Variants in MAVS observed in about 807,000 individuals in gnomAD.
The protein encoded by MAVS is mitochondrial antiviral signaling protein.
A neutral mutation model predicts 30.2 loss-of-function variants in MAVS; 20 were observed. The observed-to-expected ratio is 0.66, with a 90% confidence interval of 0.47 to 0.96. MAVS has a LOEUF of 0.96. Ranked by LOEUF, MAVS falls within the 40% of genes least tolerant of loss-of-function variation. The pLI, the probability that MAVS is intolerant of heterozygous loss-of-function variation, is 0.00. For synonymous variants in MAVS, 278 were observed against 293.9 expected (o/e 0.95, Z 0.55); for missense variants, 624 against 701.1 (o/e 0.89, Z 1.24).
rs1019183793 is a variant in MAVS at position 3,861,636 on chromosome 20, C to G, written c.465+132C>G. On this transcript the variant is annotated intron_variant, in intron 4 of 6. Coordinates refer to ENST00000428216, the MANE Select transcript of MAVS (RefSeq NM_020746.5). Reference sequence around the variant, plus strand: ...CTAATCTCTGCTCAGAACCCTAGGGCTTCCTCAGTGGGGATCTGCCCCAGA... The same window carrying G: ...CTAATCTCTGCTCAGAACCCTAGGGGTTCCTCAGTGGGGATCTGCCCCAGA... The G allele has an allele frequency of 5.9e-6, 6 of 1,009,262 alleles. No homozygotes were observed. In the East Asian group the frequency reaches 1.3e-4, roughly 22 times the overall value. The allele number at this position is 1,009,262 out of a possible 1,614,324, so 62.5% of individuals were successfully genotyped here.
chr20:3,862,066 TGA>T (rs1039368176), intron 4 of MAVS, among the ~76,000 whole-genome samples, 186 bp from the exon 5 acceptor site: 1 of 152,104 alleles, frequency 6.6e-6, no homozygotes, highest in African/African-American at 2.4e-5. Flanking sequence ...GTGTTTTCTG[TGA>T]GGTAGACGTA....
At chr20:3,852,877 C>T (rs4815620) in intron 1 of MAVS, among the ~76,000 whole-genome samples, 75,975 of 137,462 alleles carry the variant, frequency 0.55, 21,364 homozygotes, top group East Asian at 0.78. Flanking sequence ...TCTCACTCTG[C>T]CGCCCAGGCT....
rs1600456345 is a variant in MAVS, at chr20:3,866,885, T to C, written c.*738T>C. ...CATGGGCTGGGGAGGAGACACCTGG[T>C]GGGCAGAGCTCAGGCAGAGGTTTGG... is the stretch of plus-strand genomic sequence containing the variant. On this transcript the variant is annotated 3_prime_UTR_variant, in exon 7 of 7. Transcript: ENST00000428216. 1 of 457,310 alleles carries C rather than the reference T, an allele frequency of 2.2e-6. No homozygotes were observed. The highest frequency in any genetic ancestry group is 4.4e-6 in the Non-Finnish European group (1 of 226,982). The allele number at this position is 457,310 out of a possible 1,614,324, so 28.3% of individuals were successfully genotyped here. A position where few individuals can be genotyped will look rare whatever the true frequency, so the allele number is the denominator to read the frequency against.
At chr20:3,864,196 C>T (rs1260087638) in intron 5 of MAVS, 60 bp from the exon 6 acceptor site, 2 of 1,529,598 alleles carry the variant, frequency 1.3e-6, no homozygotes, top group Non-Finnish European at 1.8e-6. Flanking sequence ...GGACCCTTCT[C>T]CAGGCCTCAA....
At position 3,867,298 on chromosome 20, in the gene MAVS, T is replaced by G. The variant is rs2089916785; in HGVS notation, c.*1151T>G. On this transcript the variant is annotated 3_prime_UTR_variant, in exon 7 of 7. Transcript: ENST00000428216. ...AGTATATATATATATTTCCCAGTGT[T>G]GTGAAGATTAAAGGAGTTTATCGAT... 2.9e-6 allele frequency: 1 copy of G among 341,336 alleles called. No individual in the cohort carries two copies. The highest frequency in any genetic ancestry group is 5.7e-6 in the Non-Finnish European group (1 of 174,168). The allele number at this position is 341,336 out of a possible 1,614,324, so 21.1% of individuals were successfully genotyped here.
intron 3 of MAVS, among the ~76,000 whole-genome samples, chr20:3,860,351 C>G (rs897231639): frequency 6.6e-6 from 1 of 151,596 alleles, no homozygotes; most frequent in Admixed American, 6.6e-5. Context: ...CCTCAGCCTC[C>G]CTATAGTCCC....
chr20:3,866,964 T>G lies in MAVS; in HGVS notation c.*817T>G, dbSNP rs775637186. The stretch of plus-strand genomic sequence containing the variant: ...GTGGCTTTGGCAGATGTCAGACTTC[T>G]GGTCTTGCTTCTCCACGTGGACAGT... On this transcript the variant is annotated 3_prime_UTR_variant, in exon 7 of 7. Transcript: ENST00000428216. 1 of 456,858 alleles carries G rather than the reference T, an allele frequency of 2.2e-6. No individual in the cohort carries two copies. The highest frequency in any genetic ancestry group is 1.5e-5 in the South Asian group (1 of 64,572). 28.3% of individuals were successfully genotyped at this position (456,858 alleles called of 1,614,324 possible).
intron 1 of MAVS, among the ~76,000 whole-genome samples, chr20:3,853,074 C>T (rs1215914480): frequency 3.3e-5 from 5 of 150,682 alleles, no homozygotes; most frequent in Admixed American, 3.3e-4. Flanking sequence ...CTCCTGACCT[C>T]GTGATCCATC....
rs760494281 is a variant in MAVS at position 3,862,270 on chromosome 20, T to G, written c.482T>G (p.Leu161Arg). The G allele has an allele frequency of 1.2e-6, 2 of 1,613,802 alleles. No individual in the cohort carries two copies. Among genetic ancestry groups the G allele is most frequent in the South Asian group, 2.2e-5 (2 of 91,060 alleles). ...ESPGENSEQA[L>R]QTLSPRAIPR... ...TCATTGCAGAATTCAGAGCAAGCCC[T>G]GCAGACGCTCAGCCCCAGAGCCATC... Residue 161 changes from leucine to arginine, a missense_variant, in exon 5 of 7, where the codon CTG becomes CGG. By Grantham distance (102) the Leu-to-Arg change is moderately radical. Coordinates refer to ENST00000428216, the MANE Select transcript of MAVS (RefSeq NM_020746.5).
At chr20:3,859,892 C>T (rs35929914) in intron 3 of MAVS, among the ~76,000 whole-genome samples, 16,383 of 151,582 alleles carry the variant, frequency 0.11, 1,154 homozygotes, top group Non-Finnish European at 0.16. Context: ...TCTCAGCTCA[C>T]TGCAAGCTCC....
At chr20:3,855,423 T>C (rs1032587955) in intron 2 of MAVS, among the ~76,000 whole-genome samples, 6 of 152,162 alleles carry the variant, frequency 3.9e-5, no homozygotes, top group African/African-American at 1.4e-4. Flanking sequence ...GGCCCTGTCC[T>C]GGCACGGAGC....
At chr20:3,854,026 C>T (rs564687949) in intron 1 of MAVS, among the ~76,000 whole-genome samples, 41 of 150,856 alleles carry the variant, frequency 2.7e-4, no homozygotes, top group Non-Finnish European at 1.0e-4. Context: ...CTCCAACTCC[C>T]GACCTCAGTT....
intron 3 of MAVS, among the ~76,000 whole-genome samples, chr20:3,860,411 G>A (rs959005269): frequency 7.9e-6 from 1 of 126,270 alleles, no homozygotes; most frequent in Non-Finnish European, 1.6e-5. Context: ...TCTCGCTCTT[G>A]TTGCCCAGGC....
rs563477086 is a variant in MAVS, at chr20:3,874,902, C to T, written c.*8755C>T. 6.6e-6 allele frequency: 1 copy of T among 152,400 alleles called. No homozygotes were observed. The highest frequency in any genetic ancestry group is 1.9e-4 in the East Asian group (1 of 5,332). 9.4% of individuals were successfully genotyped at this position (152,400 alleles called of 1,614,324 possible). A position where few individuals can be genotyped will look rare whatever the true frequency, so the allele number is the denominator to read the frequency against. Reference sequence around the variant, plus strand: ...AGTACTTCCTCCAGCTGCCTACACCCCCCTAGGGTCAGTGGCGCCTGCCTG... The same window carrying T: ...AGTACTTCCTCCAGCTGCCTACACCTCCCTAGGGTCAGTGGCGCCTGCCTG... On this transcript the variant is annotated 3_prime_UTR_variant, in exon 7 of 7. Transcript: ENST00000428216.
Position 3,866,165 on chromosome 20 carries a change from C to T in MAVS, c.*18C>T, listed in dbSNP as rs1299445887. 6.4e-7 allele frequency: 1 copy of T among 1,553,786 alleles called. No homozygotes were observed. The highest frequency in any genetic ancestry group is 1.2e-5 in the South Asian group (1 of 85,430). Reference sequence around the variant, plus strand: ...TGCACTAGTGAAGCCCTGGGCTCTTCCCACCACCCATCTGTTCCGTTCCTG... The same window carrying T: ...TGCACTAGTGAAGCCCTGGGCTCTTTCCACCACCCATCTGTTCCGTTCCTG... On this transcript the variant is annotated 3_prime_UTR_variant, in exon 7 of 7. Transcript: ENST00000428216.
chr20:3,859,282 C>T (rs1367305110), intron 3 of MAVS, among the ~76,000 whole-genome samples: 37 of 151,634 alleles, frequency 2.4e-4, no homozygotes, highest in East Asian at 7.8e-4. Flanking sequence ...CCGAGGCGGG[C>T]GGATCACAAG....
intron 3 of MAVS, among the ~76,000 whole-genome samples, chr20:3,859,236 G>T (rs539588980): frequency 6.6e-6 from 1 of 151,186 alleles, no homozygotes; most frequent in African/African-American, 2.4e-5. Flanking sequence ...GGCTGGGCAC[G>T]GTGGCTCACG....
In MAVS at chr20:3,872,513, C is replaced by T. The variant is rs977527601; in HGVS notation, c.*6366C>T. The T allele has an allele frequency of 6.6e-6, 1 of 152,296 alleles. No homozygotes were observed. Among genetic ancestry groups the T allele is most frequent in the Non-Finnish European group, 1.5e-5 (1 of 68,042 alleles). 9.4% of individuals were successfully genotyped at this position (152,296 alleles called of 1,614,324 possible). ...ACATCTGCCACCTGCTATAATAGTA[C>T]TATAACACTCAATATGTAATTAATG... is the stretch of plus-strand genomic sequence containing the variant. On this transcript the variant is annotated 3_prime_UTR_variant, in exon 7 of 7. Transcript: ENST00000428216.
chr20:3,847,009 T>C (rs565987133), intron 1 of MAVS, 106 bp downstream of exon 1: 5 of 152,558 alleles, frequency 3.3e-5, no homozygotes, highest in African/African-American at 1.2e-4. Context: ...ACGCCCTGGG[T>C]CTGGGGTGCG....
Sources: gnomAD v4.1 joint callset for allele counts (sites outside exome capture counted in the v4.1 genomes callset) on GRCh38, gnomAD v4.1.1 for gene constraint, MANE v1.5 for transcripts, NCBI Gene and HGNC (gene_info 2026-07-23, HGNC 2026-07-21) for gene names.